The following ZNF416 variants were observed in gnomAD, a reference collection of about 807,000 sequenced individuals.
ZNF416 encodes the protein zinc finger protein 416.
A neutral mutation model predicts 10.9 loss-of-function variants in ZNF416; 5 were observed. The observed-to-expected ratio is 0.46, with a 90% CI of 0.24 to 0.97. The LOEUF (loss-of-function observed/expected upper bound fraction) is 0.97. Among genes scored for constraint, ZNF416 ranks in the 50% least tolerant of loss-of-function variants. The pLI, the probability that ZNF416 is intolerant of heterozygous loss-of-function variation, is 0.19. For missense variants in ZNF416, 675 were observed against 715.0 expected, an observed-to-expected ratio of 0.94 and a Z score of 0.64; for synonymous variants, 267 against 251.8, an observed-to-expected ratio of 1.06 and a Z score of -0.57.
chr19:57,572,803 G>A lies in ZNF416; in HGVS notation c.1101C>T (p.Ser367=). The change falls in exon 4 of 4, where the codon TCC becomes TCT. Residue 367 remains serine (S), a synonymous_variant. Transcript: ENST00000196489. This position sits in a 1 kb window ranked among gnomAD's most constrained non-coding sequence, Gnocchi z 4.5. ...DECGKAFGSK[S]TLVRHQRTHT... Reference sequence around the variant, plus strand: ...GAGTTCTCTGGTGTCGAACAAGAGTGGATTTGGACCCAAAGGCTTTTCCAC... The same window carrying A: ...GAGTTCTCTGGTGTCGAACAAGAGTAGATTTGGACCCAAAGGCTTTTCCAC... 2 of 1,613,412 alleles carry A rather than the reference G, an allele frequency of 1.2e-6. No homozygotes were observed. The highest frequency in any genetic ancestry group is 1.7e-6 in the Non-Finnish European group (2 of 1,179,794).
intron 1 of ZNF416, among the ~76,000 whole-genome samples, 196 bp from the exon 2 acceptor site, chr19:57,578,294 T>C (rs1168798834): frequency 6.6e-6 from 1 of 152,166 alleles, no homozygotes; most frequent in African/African-American, 2.4e-5. Context: ...TGCCTCGGTG[T>C]TATCCCCCTT....
At chr19:57,574,268 C>A (rs561990973) in intron 3 of ZNF416, among the ~76,000 whole-genome samples, 1 of 152,308 alleles carries the variant, frequency 6.6e-6, no homozygotes, top group Admixed American at 6.5e-5. Context: ...TAGTGAGCCC[C>A]TTTGCCCCAA....
rs2123389404 is a variant in ZNF416 at position 57,571,608 on chromosome 19, A to C, written c.*511T>G. 1 of 158,180 alleles carries C rather than the reference A, an allele frequency of 6.3e-6. No homozygotes were observed. Among genetic ancestry groups the C allele is most frequent in the African/African-American group, 2.4e-5 (1 of 41,594 alleles). The allele number at this position is 158,180 out of a possible 1,614,324, so 9.8% of individuals were successfully genotyped here. Reference sequence around the variant, plus strand: ...CCTTTATTACCACACAAACCAGAGCAATGTGAGGCAGCCAGTTACTAGGTG... The same window carrying C: ...CCTTTATTACCACACAAACCAGAGCCATGTGAGGCAGCCAGTTACTAGGTG... On this transcript the variant is annotated 3_prime_UTR_variant, in exon 4 of 4. Transcript: ENST00000196489.
intron 2 of ZNF416, among the ~76,000 whole-genome samples, chr19:57,576,904 G>T (rs1056959799): frequency 6.6e-6 from 1 of 152,020 alleles, no homozygotes; most frequent in African/African-American, 2.4e-5. Flanking sequence ...TCTTCTCCTA[G>T]ATCCTTGGCC....
At position 57,575,950 on chromosome 19, in the gene ZNF416, T is replaced by C. The variant is rs1370556107; in HGVS notation, c.76-20A>G. ...ACAGCCCTGCCATGATGGGGATAGA[T>C]CTTTCCATGATCAGATTCTCTCCTA... On this transcript the variant is annotated intron_variant, in intron 2 of 3. Coordinates refer to ENST00000196489, the MANE Select transcript of ZNF416 (RefSeq NM_017879.3). This position sits in a 1 kb window ranked among gnomAD's most constrained non-coding sequence, Gnocchi z 4.4. 7 of 1,611,008 alleles carry C rather than the reference T, an allele frequency of 4.3e-6. No individual in the cohort carries two copies. The highest frequency in any genetic ancestry group is 3.3e-5 in the South Asian group (3 of 90,872).
chr19:57,575,678 T>C lies in ZNF416; in HGVS notation c.202+126A>G. 4.5e-6 allele frequency: 6 copies of C among 1,323,858 alleles called. No individual in the cohort carries two copies. Among genetic ancestry groups the C allele is most frequent in the Non-Finnish European group, 5.4e-6 (5 of 924,740 alleles). The allele number at this position is 1,323,858 out of a possible 1,614,324, so 82.0% of individuals were successfully genotyped here. A position where few individuals can be genotyped will look rare whatever the true frequency, so the allele number is the denominator to read the frequency against. On this transcript the variant is annotated intron_variant, in intron 3 of 3. Transcript: ENST00000196489. The surrounding 1 kb of genome is among the most constrained non-coding windows in gnomAD (Gnocchi z 4.4). ...TTAAGGAGTGCAATGATTTCATTCC[T>C]TACACCACAGCACATACGCCAAGAC... is the stretch of plus-strand genomic sequence containing the variant.
Position 57,575,732 on chromosome 19 carries a change from C to G in ZNF416, c.202+72G>C. The G allele has an allele frequency of 6.2e-7, 1 of 1,605,948 alleles. No homozygotes were observed. ...GGGGAAGTCAGCAAAGCCCACGGTC[C>G]GGCAGAGCTGCCTCTGAGGAAAAAG... is the stretch of plus-strand genomic sequence containing the variant. On this transcript the variant is annotated intron_variant, in intron 3 of 3. Transcript: ENST00000196489. This position sits in a 1 kb window ranked among gnomAD's most constrained non-coding sequence, Gnocchi z 4.4.
chr19:57,575,968 C>T lies in ZNF416; in HGVS notation c.76-38G>A. On this transcript the variant is annotated intron_variant, in intron 2 of 3. Coordinates refer to ENST00000196489, the MANE Select transcript of ZNF416 (RefSeq NM_017879.3). This position sits in a 1 kb window ranked among gnomAD's most constrained non-coding sequence, Gnocchi z 4.4. Reference sequence around the variant, plus strand: ...GGATAGATCTTTCCATGATCAGATTCTCTCCTAGGACCCCAAGTTCATGCC... The same window carrying T: ...GGATAGATCTTTCCATGATCAGATTTTCTCCTAGGACCCCAAGTTCATGCC... The T allele has an allele frequency of 6.2e-7, 1 of 1,603,472 alleles. No individual in the cohort carries two copies. Among genetic ancestry groups the T allele is most frequent in the East Asian group, 2.2e-5 (1 of 44,720 alleles).
chr19:57,578,875 A>C lies in ZNF416; in HGVS notation c.-171T>G. 1 of 529,616 alleles carries C rather than the reference A, an allele frequency of 1.9e-6. No individual in the cohort carries two copies. The highest frequency in any genetic ancestry group is 3.8e-5 in the South Asian group (1 of 25,992). The allele number at this position is 529,616 out of a possible 1,614,324, so 32.8% of individuals were successfully genotyped here. A position where few individuals can be genotyped will look rare whatever the true frequency, so the allele number is the denominator to read the frequency against. Reference sequence around the variant, plus strand: ...GCGGCGTGGGCCGAGGTAGAGAACCACCAAAATTACCATCTCGGAGCGGTG... The same window carrying C: ...GCGGCGTGGGCCGAGGTAGAGAACCCCCAAAATTACCATCTCGGAGCGGTG... On this transcript the variant is annotated 5_prime_UTR_variant, in exon 1 of 4. Transcript: ENST00000196489.
chr19:57,573,342 G>A lies in ZNF416; in HGVS notation c.562C>T (p.Gln188Ter), dbSNP rs767235876. 2 of 1,614,252 alleles carry A rather than the reference G, an allele frequency of 1.2e-6. No homozygotes were observed. Among genetic ancestry groups the A allele is most frequent in the Admixed American group, 1.7e-5 (1 of 60,032 alleles). Residue 188 changes from glutamine (Q) to a stop codon, truncating the protein, a stop_gained, in exon 4 of 4, where the codon CAG becomes TAG. Coordinates refer to ENST00000196489, the MANE Select transcript of ZNF416 (RefSeq NM_017879.3). LOFTEE classifies it low-confidence loss of function (END_TRUNC). ...KDFLAPLGIL[Q>*]PQAIANYEKP... ...TCATAGTTAGCAATAGCTTGCGGCT[G>A]AAGAATGCCCAATGGGGCTAGGAAG...
In ZNF416 at chr19:57,578,885, C is replaced by T. The variant is rs1179233572; in HGVS notation, c.-181G>A. 2 of 508,272 alleles carry T rather than the reference C, an allele frequency of 3.9e-6. No individual in the cohort carries two copies. Among genetic ancestry groups the T allele is most frequent in the South Asian group, 3.9e-5 (1 of 25,894 alleles). 31.5% of individuals were successfully genotyped at this position (508,272 alleles called of 1,614,324 possible). Reference sequence around the variant, plus strand: ...CCGAGGTAGAGAACCACCAAAATTACCATCTCGGAGCGGTGCCGGAAGTCC... The same window carrying T: ...CCGAGGTAGAGAACCACCAAAATTATCATCTCGGAGCGGTGCCGGAAGTCC... On this transcript the variant is annotated 5_prime_UTR_variant, in exon 1 of 4. Transcript: ENST00000196489.
chr19:57,578,242 C>A (rs575615162), intron 1 of ZNF416, 144 bp from the exon 2 acceptor site: 149 of 796,318 alleles, frequency 1.9e-4, no homozygotes, highest in African/African-American at 1.8e-3. Flanking sequence ...CCGTGTGACT[C>A]TTACCTGCTG....
intron 2 of ZNF416, among the ~76,000 whole-genome samples, chr19:57,577,369 C>T (rs145134283): frequency 3.4e-4 from 52 of 152,322 alleles, no homozygotes; most frequent in African/African-American, 1.1e-3. Flanking sequence ...TTACAATCCT[C>T]GCTAGTGGAG....
At position 57,573,603 on chromosome 19, in the gene ZNF416, G is replaced by T; in HGVS notation, c.301C>A (p.Gln101Lys). The change falls in exon 4 of 4, where the codon CAG (glutamine) becomes AAG (lysine). Residue 101 changes from glutamine (Q) to lysine (K), a missense_variant. Gln to Lys is a moderately conservative substitution (Grantham distance 53, BLOSUM62 1). Transcript: ENST00000196489. ...VRTPEASPST[Q>K]KIQSCDMCVP... ...CACATGTCACAGGATTGAATCTTCT[G>T]GGTGGATGGACTGGCCTCTGGAGTC... is the stretch of plus-strand genomic sequence containing the variant. The T allele has an allele frequency of 2.5e-6, 4 of 1,614,190 alleles. No individual in the cohort carries two copies. The highest frequency in any genetic ancestry group is 3.4e-6 in the Non-Finnish European group (4 of 1,180,032).
Position 57,575,816 on chromosome 19 carries a change from T to A in ZNF416, c.190A>T (p.Ile64Leu). 6.2e-7 allele frequency: 1 copy of A among 1,614,050 alleles called. No individual in the cohort carries two copies. Among genetic ancestry groups the A allele is most frequent in the Non-Finnish European group, 8.5e-7 (1 of 1,179,986 alleles). ...GTGAGGGCCTTACCCAGCGCAGTTA[T>A]AAGTGCAAAGTTCTCCAGCATCACA... Reference protein sequence around the residue: ...RDVMLENFALITALVCWHGME... With the variant: ...RDVMLENFALLTALVCWHGME... Residue 64 changes from isoleucine to leucine, a missense_variant, in exon 3 of 4, where the codon ATA becomes TTA. By Grantham distance (5) the Ile-to-Leu change is conservative. Coordinates refer to ENST00000196489, the MANE Select transcript of ZNF416 (RefSeq NM_017879.3). The surrounding 1 kb of genome is among the most constrained non-coding windows in gnomAD (Gnocchi z 4.4).
Position 57,578,770 on chromosome 19 carries a change from C to A in ZNF416, c.-66G>T. 1.5e-6 allele frequency: 2 copies of A among 1,376,000 alleles called. No homozygotes were observed. Among genetic ancestry groups the A allele is most frequent in the Non-Finnish European group, 1.9e-6 (2 of 1,053,956 alleles). 85.2% of individuals were successfully genotyped at this position (1,376,000 alleles called of 1,614,324 possible). A position where few individuals can be genotyped will look rare whatever the true frequency, so the allele number is the denominator to read the frequency against. On this transcript the variant is annotated 5_prime_UTR_variant, in exon 1 of 4. Transcript: ENST00000196489. ...CGGGGCGGGAACCCAGGCACGGCTG[C>A]CACCAGCGCCAGCGACCCACCGGCT...
rs570131762 is a variant in ZNF416 at position 57,575,179 on chromosome 19, G to T, written c.202+625C>A. 1.3e-5 allele frequency among the ~76,000 whole-genome samples: 2 copies of T among 152,258 alleles called. No individual in the cohort carries two copies. The highest frequency in any genetic ancestry group is 3.9e-4 in the East Asian group (2 of 5,174). On this transcript the variant is annotated intron_variant, in intron 3 of 3. Transcript: ENST00000196489. The surrounding 1 kb of genome is among the most constrained non-coding windows in gnomAD (Gnocchi z 4.4). ...GGCTGGATGCCATGTCCTCACCCAGGTGCCACTGACTGAGGCCAGGCTTCC... is the reference window on the plus strand; with the variant it reads ...GGCTGGATGCCATGTCCTCACCCAGTTGCCACTGACTGAGGCCAGGCTTCC...
In ZNF416 at chr19:57,573,122, T is replaced by TG; in HGVS notation, c.781dup (p.Gln261ProfsTer11). 6.2e-7 allele frequency: 1 copy of TG among 1,614,250 alleles called. No homozygotes were observed. The highest frequency in any genetic ancestry group is 8.5e-7 in the Non-Finnish European group (1 of 1,180,050). The stretch of plus-strand genomic sequence containing the variant: ...AGGCCTTTCTCCAGGGTGGACTCTT[T>TG]GCAGCTGAACAAGGGAGCACTCACA... On this transcript the variant is annotated frameshift_variant, in exon 4 of 4. Transcript: ENST00000196489. LOFTEE classifies it low-confidence loss of function (END_TRUNC).
chr19:57,575,921 T>A lies in ZNF416; in HGVS notation c.85A>T (p.Thr29Ser), dbSNP rs1399345329. 2 of 1,613,734 alleles carry A rather than the reference T, an allele frequency of 1.2e-6. No homozygotes were observed. The stretch of plus-strand genomic sequence containing the variant: ...AAGTAAATGGCCACGTCCTCAAAGG[T>A]CACACAGCCCTGCCATGATGGGGAT... ...KLMGFTQGCV[T>S]FEDVAIYFSQ... The change falls in exon 3 of 4, where the codon ACC becomes TCC. Residue 29 changes from threonine (T) to serine (S), a missense_variant. Thr to Ser is a moderately conservative substitution (Grantham distance 58). Transcript: ENST00000196489. The surrounding 1 kb of genome is among the most constrained non-coding windows in gnomAD (Gnocchi z 4.4).
Sources: gnomAD v4.1 joint callset for allele counts (sites outside exome capture counted in the v4.1 genomes callset) on GRCh38, gnomAD v4.1.1 for gene constraint, Gnocchi (gnomAD v3.1) non-coding constraint, MANE v1.5 for transcripts, NCBI Gene and HGNC (gene_info 2026-07-23, HGNC 2026-07-21) for gene names.